The following VWA8 variants were observed in gnomAD, a reference collection of about 807,000 sequenced individuals.
The protein encoded by VWA8 is von Willebrand factor A domain-containing protein 8.
In VWA8, 221 loss-of-function variants were observed where a neutral mutation model predicts 241.5. That is an observed-to-expected ratio of 0.91 (90% confidence interval 0.82 to 1.02). VWA8 has a LOEUF of 1.02. VWA8 is among the 50% of genes least tolerant of loss of function. VWA8 has a pLI of 0.00. For synonymous variants in VWA8, 852 were observed against 827.1 expected (o/e 1.03, Z -0.52); for missense variants, 2,322 against 2,328.7 (o/e 1.00, Z 0.06).
intron 15 of VWA8, among the ~76,000 whole-genome samples, chr13:41,818,955 C>T (rs541514090): frequency 6.6e-6 from 1 of 152,224 alleles, no homozygotes; most frequent in African/African-American, 2.4e-5. Flanking sequence ...GTTAGAAATA[C>T]AAATTTTAAT....
intron 12 of VWA8, among the ~76,000 whole-genome samples, chr13:41,861,848 A>T (rs914626689): frequency 1.3e-5 from 2 of 152,140 alleles, no homozygotes; most frequent in African/African-American, 4.8e-5. Flanking sequence ...TAAGAATTAC[A>T]ATTGTTAAAA....
intron 19 of VWA8, among the ~76,000 whole-genome samples, chr13:41,780,204 T>C (rs1868827466): frequency 6.6e-6 from 1 of 152,148 alleles, no homozygotes. Flanking sequence ...CATGTCAGCA[T>C]TCAAAGACCC....
intron 1 of VWA8, among the ~76,000 whole-genome samples, chr13:41,959,938 G>A (rs1878534601): frequency 6.6e-6 from 1 of 152,088 alleles, no homozygotes; most frequent in South Asian, 2.1e-4. Flanking sequence ...AGGAAAACTG[G>A]GGGTTGCGGG....
intron 24 of VWA8, among the ~76,000 whole-genome samples, chr13:41,723,393 T>C (rs12430540): frequency 0.27 from 41,618 of 152,076 alleles, 6,256 homozygotes; most frequent in Non-Finnish European, 0.33. Flanking sequence ...TCTTCTGCCA[T>C]GAAAGCCTTC....
At position 41,841,846 on chromosome 13, in the gene VWA8, TATATATATATATAAAA is replaced by T. The variant is rs1397366366; in HGVS notation, c.1426-8331_1426-8316del. On this transcript the variant is annotated intron_variant, in intron 12 of 44. Coordinates refer to ENST00000379310, the MANE Select transcript of VWA8 (RefSeq NM_015058.2). ...ATATATATATATATATATATATATA[TATATATATATATAAAA>T]ACAGTAGACATTTAATATTTTTTCA... 4.7e-5 allele frequency among the ~76,000 whole-genome samples: 4 copies of T among 84,936 alleles called. No individual in the cohort carries two copies. In the East Asian group the frequency reaches 9.8e-4, roughly 21 times the overall value. The allele number at this position is 84,936 out of a possible 152,430, so 55.7% of individuals were successfully genotyped here. A position where few individuals can be genotyped will look rare whatever the true frequency, so the allele number is the denominator to read the frequency against.
At chr13:41,954,285 T>C (rs1369796896) in intron 1 of VWA8, among the ~76,000 whole-genome samples, 1 of 152,124 alleles carries the variant, frequency 6.6e-6, no homozygotes, top group Non-Finnish European at 1.5e-5. Flanking sequence ...GTTTCATACC[T>C]GCCAGTAGCC....
intron 37 of VWA8, among the ~76,000 whole-genome samples, chr13:41,660,444 G>T (rs1010500342): frequency 4.6e-5 from 7 of 152,034 alleles, no homozygotes; most frequent in Admixed American, 1.3e-4. Context: ...AATCCCAGAG[G>T]CATTGGCTTT....
chr13:41,648,070 A>C (rs1286705494), intron 37 of VWA8, among the ~76,000 whole-genome samples: 2 of 152,178 alleles, frequency 1.3e-5, no homozygotes, highest in African/African-American at 4.8e-5. Context: ...AAAATATTAA[A>C]TGATGCATGT....
intron 1 of VWA8, among the ~76,000 whole-genome samples, chr13:41,959,896 C>T (rs1210657792): frequency 6.6e-6 from 1 of 152,164 alleles, no homozygotes; most frequent in Non-Finnish European, 1.5e-5. Flanking sequence ...GCGTGAGCCA[C>T]CGCGCCCGGC....
At chr13:41,575,275 G>C (rs1305054539) in intron 43 of VWA8, among the ~76,000 whole-genome samples, 2 of 152,116 alleles carry the variant, frequency 1.3e-5, no homozygotes, top group Non-Finnish European at 2.9e-5. Context: ...AAGGTTCTCA[G>C]GGGGGTGAGG....
At chr13:41,677,609 G>GC (rs2045069184) in intron 35 of VWA8, among the ~76,000 whole-genome samples, 1 of 151,902 alleles carries the variant, frequency 6.6e-6, no homozygotes, top group African/African-American at 2.4e-5. Context: ...ATGTGAGTTG[G>GC]CCCTAGTGAA....
chr13:41,853,320 T>C (rs1369298058), intron 12 of VWA8, among the ~76,000 whole-genome samples: 1 of 152,118 alleles, frequency 6.6e-6, no homozygotes, highest in African/African-American at 2.4e-5. Flanking sequence ...TCACCAGGGA[T>C]ATTGGTCTGT....
intron 2 of VWA8, among the ~76,000 whole-genome samples, chr13:41,919,899 TC>T (rs1434419325): frequency 6.6e-6 from 1 of 152,076 alleles, no homozygotes; most frequent in Non-Finnish European, 1.5e-5. Context: ...GCATCTTACT[TC>T]CAGGGAATCA....
At chr13:41,872,998 T>C (rs1407734200) in intron 9 of VWA8, among the ~76,000 whole-genome samples, 1 of 152,102 alleles carries the variant, frequency 6.6e-6, no homozygotes, top group Non-Finnish European at 1.5e-5. Context: ...AGTGGTTTGT[T>C]GTTCTCCTTG....
At chr13:41,571,945 C>A in intron 43 of VWA8, among the ~76,000 whole-genome samples, 1 of 152,068 alleles carries the variant, frequency 6.6e-6, no homozygotes, top group East Asian at 1.9e-4. Context: ...ATGTGAGGAG[C>A]CCCTCTGACC....
chr13:41,909,530 T>C (rs1398732145), intron 3 of VWA8, among the ~76,000 whole-genome samples: 1 of 152,192 alleles, frequency 6.6e-6, no homozygotes, highest in Non-Finnish European at 1.5e-5. Flanking sequence ...CTGGAACACA[T>C]CACTAGTATC....
At chr13:41,951,999 G>C (rs1384779183) in intron 1 of VWA8, among the ~76,000 whole-genome samples, 1 of 152,138 alleles carries the variant, frequency 6.6e-6, no homozygotes, top group African/African-American at 2.4e-5. Flanking sequence ...AAGATGATGA[G>C]GACCAAAATT....
chr13:41,776,984 G>A (rs1420295745), intron 20 of VWA8, among the ~76,000 whole-genome samples: 2 of 152,030 alleles, frequency 1.3e-5, no homozygotes, highest in Non-Finnish European at 2.9e-5. Flanking sequence ...CCAAACTTTA[G>A]AAGCTTTGTT....
At chr13:41,863,455 T>TCA (rs150069827) in intron 12 of VWA8, among the ~76,000 whole-genome samples, 11,754 of 82,636 alleles carry the variant, frequency 0.14, 999 homozygotes, top group Non-Finnish European at 0.17. Flanking sequence ...ATATATATAT[T>TCA]CACACACACA....
Sources: allele counts gnomAD v4.1 joint callset (sites outside exome capture counted in the v4.1 genomes callset), GRCh38; gene constraint gnomAD v4.1.1; transcripts MANE v1.5; gene names NCBI Gene and HGNC (gene_info 2026-07-23, HGNC 2026-07-21).